PLPPR1: variants seen among roughly 807,000 people sequenced by gnomAD.
PLPPR1 encodes the protein phospholipid phosphatase related 1, also known as phospholipid phosphatase-related protein type 1.
Under a neutral mutation model 33.1 loss-of-function variants are expected in PLPPR1, and 10 were observed. The observed-to-expected ratio is 0.30, with a 90% confidence interval of 0.19 to 0.51. PLPPR1 has a LOEUF of 0.51. PLPPR1 is among the 20% of genes least tolerant of loss of function. The pLI is 0.97. For synonymous variants in PLPPR1, 151 were observed against 151.0 expected (o/e 1.00, Z 0.00); for missense variants, 304 against 408.1 (o/e 0.74, Z 2.20).
chr9:101,284,174 G>T (rs1440126955), intron 3 of PLPPR1, among the ~76,000 whole-genome samples: 1 of 152,048 alleles, frequency 6.6e-6, no homozygotes, highest in African/African-American at 2.4e-5. Context: ...ATATCAAAGA[G>T]ATATCTGAAC....
intron 1 of PLPPR1, among the ~76,000 whole-genome samples, chr9:101,153,691 C>T (rs976982968): frequency 6.6e-6 from 1 of 152,164 alleles, no homozygotes; most frequent in Non-Finnish European, 1.5e-5. Flanking sequence ...TCTTCTGCCT[C>T]AGCCTCCTGA....
At chr9:101,087,039 C>G (rs1276208247) in intron 1 of PLPPR1, among the ~76,000 whole-genome samples, 1 of 151,938 alleles carries the variant, frequency 6.6e-6, no homozygotes. Context: ...TTTAGCTAGG[C>G]ATGGTGATGT....
intron 1 of PLPPR1, among the ~76,000 whole-genome samples, chr9:101,173,444 C>T (rs938191052): frequency 9.9e-5 from 15 of 151,976 alleles, no homozygotes; most frequent in Admixed American, 9.2e-4. Context: ...AGCAATTGGC[C>T]CTATAGTACC....
intron 2 of PLPPR1, among the ~76,000 whole-genome samples, chr9:101,267,547 A>G (rs1828019659): frequency 1.3e-5 from 2 of 152,208 alleles, no homozygotes; most frequent in Non-Finnish European, 2.9e-5. Context: ...GGAGCAGAAA[A>G]CGCTAGATAC....
intron 1 of PLPPR1, among the ~76,000 whole-genome samples, chr9:101,149,058 C>T (rs1457426055): frequency 6.6e-6 from 1 of 152,124 alleles, no homozygotes; most frequent in Non-Finnish European, 1.5e-5. Flanking sequence ...TTTGAAATAT[C>T]TAGGTAATAA....
intron 2 of PLPPR1, among the ~76,000 whole-genome samples, chr9:101,208,450 T>C (rs16920075): frequency 0.066 from 10,087 of 152,224 alleles, 1,079 homozygotes; most frequent in African/African-American, 0.23. Context: ...TTTCGTCAAT[T>C]TGTGCTGATG....
intron 2 of PLPPR1, among the ~76,000 whole-genome samples, chr9:101,195,687 TC>T (rs1826381473): frequency 6.6e-6 from 1 of 152,156 alleles, no homozygotes; most frequent in Non-Finnish European, 1.5e-5. Context: ...ATCTGGCATC[TC>T]CCAGCTTCTA....
chr9:101,072,796 A>G (rs571426700), intron 1 of PLPPR1, among the ~76,000 whole-genome samples: 1 of 152,322 alleles, frequency 6.6e-6, no homozygotes, highest in African/African-American at 2.4e-5. Context: ...TCAGAAGAAA[A>G]CAAAGGAAAA....
At chr9:101,175,405 T>TA (rs1826003507) in intron 1 of PLPPR1, among the ~76,000 whole-genome samples, 1 of 152,130 alleles carries the variant, frequency 6.6e-6, no homozygotes, top group Admixed American at 6.6e-5. Flanking sequence ...CTTCTGATTT[T>TA]AAAATAAAAT....
intron 1 of PLPPR1, among the ~76,000 whole-genome samples, chr9:101,068,977 G>A (rs2118483532): frequency 6.6e-6 from 1 of 152,202 alleles, no homozygotes; most frequent in South Asian, 2.1e-4. Flanking sequence ...CTTCTGCTTA[G>A]GGTATCTTTG....
rs568099016 is a variant in PLPPR1 at position 101,197,577 on chromosome 9, G to A, written c.63+12020G>A. On this transcript the variant is annotated intron_variant, in intron 2 of 7. Coordinates refer to ENST00000374874, the MANE Select transcript of PLPPR1 (RefSeq NM_207299.2). Reference sequence around the variant, plus strand: ...CCAGATAACCTCTCCAGTCCAACCGGGCAAGACAGATGTAAAATGTGATGC... The same window carrying A: ...CCAGATAACCTCTCCAGTCCAACCGAGCAAGACAGATGTAAAATGTGATGC... Among the ~76,000 whole-genome samples, 17 of 152,252 alleles carry A rather than the reference G, an allele frequency of 1.1e-4. 1 individual carries two copies. The South Asian group carries it at 3.5e-3, about 32-fold the overall frequency.
chr9:101,049,845 G>A (rs1165473825), intron 1 of PLPPR1, among the ~76,000 whole-genome samples: 2 of 151,710 alleles, frequency 1.3e-5, no homozygotes, highest in Non-Finnish European at 2.9e-5. Flanking sequence ...AAAAGTATAG[G>A]CCATGCGCGG....
At chr9:101,214,297 G>A (rs1299637483) in intron 2 of PLPPR1, among the ~76,000 whole-genome samples, 2 of 152,188 alleles carry the variant, frequency 1.3e-5, no homozygotes, top group Non-Finnish European at 2.9e-5. Flanking sequence ...ACTTCAATAA[G>A]CTTAAGTACA....
chr9:101,225,454 C>T lies in PLPPR1; in HGVS notation c.63+39897C>T, dbSNP rs34846586. On this transcript the variant is annotated intron_variant, in intron 2 of 7. Coordinates refer to ENST00000374874, the MANE Select transcript of PLPPR1 (RefSeq NM_207299.2). ...AGGGCTGACTGGCTCATTCCAATTC[C>T]ACATAGCTCACCCAAAGCAAGAGCT... 7.0e-4 allele frequency among the ~76,000 whole-genome samples: 106 copies of T among 152,240 alleles called. 1 individual carries two copies. The highest frequency in any genetic ancestry group is 1.1e-3 in the Non-Finnish European group (73 of 68,020).
chr9:101,187,133 T>C (rs1826218339), intron 2 of PLPPR1: 1 of 151,974 alleles, frequency 6.6e-6, no homozygotes, highest in Non-Finnish European at 1.5e-5. Flanking sequence ...ACAGTACCTT[T>C]TTCAGTGTTT....
At chr9:101,047,262 A>G (rs1462414789) in intron 1 of PLPPR1, among the ~76,000 whole-genome samples, 4 of 152,150 alleles carry the variant, frequency 2.6e-5, no homozygotes. Context: ...TGCTCCTTCT[A>G]GGAAGTTCTT....
At chr9:101,310,975 G>C (rs1308962631) in intron 5 of PLPPR1, among the ~76,000 whole-genome samples, 1 of 152,042 alleles carries the variant, frequency 6.6e-6, no homozygotes, top group Non-Finnish European at 1.5e-5. Context: ...CCTCTATGCA[G>C]GTATTTTTTT....
chr9:101,207,004 A>G (rs1175377141), intron 2 of PLPPR1, among the ~76,000 whole-genome samples: 1 of 152,178 alleles, frequency 6.6e-6, no homozygotes, highest in Non-Finnish European at 1.5e-5. Context: ...GGTTTGGAAT[A>G]TAAACATGCA....
At chr9:101,168,886 C>G (rs1825898756) in intron 1 of PLPPR1, among the ~76,000 whole-genome samples, 2 of 152,018 alleles carry the variant, frequency 1.3e-5, no homozygotes, top group Non-Finnish European at 2.9e-5. Flanking sequence ...GAGACCACAA[C>G]AAAACAATCC....
Sources: allele counts gnomAD v4.1 joint callset (sites outside exome capture counted in the v4.1 genomes callset), GRCh38; gene constraint gnomAD v4.1.1; transcripts MANE v1.5; gene names NCBI Gene and HGNC (gene_info 2026-07-23, HGNC 2026-07-21).